USP33: variants seen among roughly 807,000 people sequenced by gnomAD.
USP33 encodes the protein ubiquitin specific peptidase 33, also known as ubiquitin carboxyl-terminal hydrolase 33.
In USP33, 46 loss-of-function variants were observed where a neutral mutation model predicts 124.2. That is an observed-to-expected ratio of 0.37 (90% confidence interval 0.29 to 0.47). USP33 has a LOEUF of 0.47. Among genes scored for constraint, USP33 ranks in the 20% least tolerant of loss-of-function variants. The pLI, the probability that USP33 is intolerant of heterozygous loss-of-function variation, is 0.99. For synonymous variants in USP33, 350 were observed against 352.3 expected, an observed-to-expected ratio of 0.99 and a Z score of 0.07; for missense variants, 851 against 1,070.6, an observed-to-expected ratio of 0.79 and a Z score of 2.86.
At chr1:77,721,087 T>G in intron 15 of USP33, 85 bp downstream of exon 15, 2 of 1,449,308 alleles carry the variant, frequency 1.4e-6, no homozygotes, top group East Asian at 4.6e-5. Flanking sequence ...CTAAATACAG[T>G]GGCAAATTTA....
intron 15 of USP33, chr1:77,720,187 A>AC: frequency 4.1e-6 from 2 of 485,914 alleles, no homozygotes; most frequent in South Asian, 1.7e-4. Context: ...AAAAAAAAAA[A>AC]AAAAAAACCT....
chr1:77,703,477 A>G (rs1395588478), intron 21 of USP33, among the ~76,000 whole-genome samples: 1 of 152,166 alleles, frequency 6.6e-6, no homozygotes, highest in East Asian at 1.9e-4. Flanking sequence ...TACAAAAATT[A>G]GCTAGGCATG....
At chr1:77,721,106 T>C (rs1676514087) in intron 15 of USP33, 66 bp downstream of exon 15, 1 of 1,575,268 alleles carries the variant, frequency 6.3e-7, no homozygotes, top group Middle Eastern at 1.7e-4. Context: ...TAACTCCACA[T>C]ACCCAATTCT....
chr1:77,730,593 A>C, intron 8 of USP33, 25 bp downstream of exon 8: 1 of 1,423,584 alleles, frequency 7.0e-7, no homozygotes, highest in Non-Finnish European at 9.4e-7. Flanking sequence ...TTTAATAAAG[A>C]AGAAGAGTAT....
At chr1:77,704,569 T>C (rs1330089551) in intron 21 of USP33, among the ~76,000 whole-genome samples, 3 of 152,222 alleles carry the variant, frequency 2.0e-5, no homozygotes, top group African/African-American at 7.2e-5. Flanking sequence ...TCTAAATGGT[T>C]ACTCTAAATG....
chr1:77,738,074 G>T (rs1678685466), intron 5 of USP33, among the ~76,000 whole-genome samples: 1 of 152,168 alleles, frequency 6.6e-6, no homozygotes, highest in Non-Finnish European at 1.5e-5. Flanking sequence ...AACAGTAATG[G>T]TTATAATTAA....
At chr1:77,730,553 C>T in intron 8 of USP33, 65 bp downstream of exon 8, 1 of 1,236,702 alleles carries the variant, frequency 8.1e-7, no homozygotes, top group Non-Finnish European at 1.1e-6. Flanking sequence ...GACCTGCAAC[C>T]TTTAAATATT....
At chr1:77,743,477 A>G (rs1679368684) in intron 1 of USP33, among the ~76,000 whole-genome samples, 1 of 152,032 alleles carries the variant, frequency 6.6e-6, no homozygotes, top group African/African-American at 2.4e-5. Context: ...TAGTGCAAAC[A>G]TTTCTTTTTT....
intron 11 of USP33, 54 bp downstream of exon 11, chr1:77,725,568 T>C (rs1461260022): frequency 3.2e-6 from 5 of 1,561,068 alleles, no homozygotes; most frequent in African/African-American, 1.4e-5. Flanking sequence ...ACCAAAACCA[T>C]CATTTTAAAC....
At position 77,697,368 on chromosome 1, in the gene USP33, T is replaced by A. The variant is rs781269264; in HGVS notation, c.2685A>T (p.Pro895=). The part of the protein sequence containing the change: ...ILRPPVVHVD[P]DILQAEEKIE... ...TTTTTTCTTCTGCTTGAAGTATATC[T>A]GGATCAACATGAACAACCGGAGGTC... The change falls in exon 24 of 24, where the codon CCA becomes CCT. Residue 895 remains proline (P), a synonymous_variant. Coordinates refer to ENST00000370794, the MANE Select transcript of USP33 (RefSeq NM_201624.3). The A allele has an allele frequency of 3.7e-6, 6 of 1,612,590 alleles. No homozygotes were observed. In the African/African-American group the frequency reaches 5.4e-5, roughly 14 times the overall value.
At chr1:77,744,817 T>C (rs1037040238) in intron 1 of USP33, among the ~76,000 whole-genome samples, 1 of 152,174 alleles carries the variant, frequency 6.6e-6, no homozygotes, top group African/African-American at 2.4e-5. Flanking sequence ...TGCATTCCAG[T>C]CTGAGTGACA....
At chr1:77,748,134 T>TTTTCAAGGGGAGGAGTTTTAGTTCTTA (rs1401973627) in intron 1 of USP33, among the ~76,000 whole-genome samples, 1 of 152,194 alleles carries the variant, frequency 6.6e-6, no homozygotes, top group Non-Finnish European at 1.5e-5. Context: ...GTTTTACTTC[T>TTTTCAAGGGGAGGAGTTTTAGTTCTTA]TTTCAAGGGG....
intron 21 of USP33, among the ~76,000 whole-genome samples, chr1:77,703,720 T>A (rs984390433): frequency 3.3e-5 from 5 of 152,198 alleles, no homozygotes; most frequent in Non-Finnish European, 4.4e-5. Flanking sequence ...CCTTTTCCAT[T>A]GTACCCATCA....
chr1:77,753,293 GAGTAACC>G (rs1680508480), intron 1 of USP33, among the ~76,000 whole-genome samples: 1 of 150,700 alleles, frequency 6.6e-6, no homozygotes, highest in South Asian at 2.1e-4. Flanking sequence ...AGAATAAAAA[GAGTAACC>G]AGTCTTGCTG....
intron 19 of USP33, 155 bp from the exon 20 acceptor site, chr1:77,713,436 T>G (rs888040303): frequency 5.0e-6 from 3 of 605,356 alleles, no homozygotes; most frequent in Non-Finnish European, 8.1e-6. Context: ...GTCCAGAGAG[T>G]GCAGTGGCAT....
chr1:77,727,911 C>A (rs1677340058), intron 10 of USP33, among the ~76,000 whole-genome samples: 1 of 152,166 alleles, frequency 6.6e-6, no homozygotes, highest in African/African-American at 2.4e-5. Flanking sequence ...TGATGTGACT[C>A]CAATGACAAC....
chr1:77,705,852 CTGTT>C (rs1371110035), intron 21 of USP33, among the ~76,000 whole-genome samples: 2 of 152,090 alleles, frequency 1.3e-5, no homozygotes, highest in Non-Finnish European at 2.9e-5. Flanking sequence ...CTTGAAATCA[CTGTT>C]TGTCTCCACA....
intron 1 of USP33, chr1:77,746,424 T>G (rs914779908): frequency 6.6e-6 from 1 of 152,196 alleles, no homozygotes; most frequent in Non-Finnish European, 1.5e-5. Flanking sequence ...ACCAGACGGA[T>G]TCACAGCCGA....
At chr1:77,717,619 C>G in intron 17 of USP33, 1 of 260,304 alleles carries the variant, frequency 3.8e-6, no homozygotes, top group Non-Finnish European at 7.1e-6. Context: ...GCAGTAACAT[C>G]TGTTTTTAAC....
Sources: gnomAD v4.1 joint callset for allele counts (sites outside exome capture counted in the v4.1 genomes callset) on GRCh38, gnomAD v4.1.1 for gene constraint, MANE v1.5 for transcripts, NCBI Gene and HGNC (gene_info 2026-07-23, HGNC 2026-07-21) for gene names.